The following ENTPD1 variants were observed in gnomAD, a reference collection of about 807,000 sequenced individuals.
ENTPD1 encodes ectonucleoside triphosphate diphosphohydrolase 1.
ENTPD1 carries 33 observed loss-of-function variants against 57.0 expected under a neutral mutation model. That is an observed-to-expected ratio of 0.58 (90% CI 0.44 to 0.77). The LOEUF (loss-of-function observed/expected upper bound fraction) is 0.77, where lower values mean the gene tolerates loss of function less well. Among genes scored for constraint, ENTPD1 ranks in the 30% least tolerant of loss-of-function variants. The pLI, the probability that ENTPD1 is intolerant of heterozygous loss-of-function variation, is 0.00. For missense variants in ENTPD1, 501 were observed against 603.4 expected (o/e 0.83, Z 1.78); for synonymous variants, 202 against 218.8 (o/e 0.92, Z 0.68).
rs1415420527 is a variant in ENTPD1 at position 95,876,218 on chromosome 10, G to A, written c.*9835G>A. 7 of 977,442 alleles carry A rather than the reference G, an allele frequency of 7.2e-6. No individual in the cohort carries two copies. Among genetic ancestry groups the A allele is most frequent in the Non-Finnish European group, 8.5e-6 (7 of 822,850 alleles). The allele number at this position is 977,442 out of a possible 1,614,324, so 60.5% of individuals were successfully genotyped here. On this transcript the variant is annotated 3_prime_UTR_variant, in exon 10 of 10. Coordinates refer to ENST00000371205, the MANE Select transcript of ENTPD1 (RefSeq NM_001776.6). ...TATTTATAAATACTCCTATAAAAAT[G>A]TAAAGAAACACATAATGTAGATTGC...
intron 1 of ENTPD1, among the ~76,000 whole-genome samples, chr10:95,813,927 A>G (rs1185094178): frequency 6.6e-6 from 1 of 152,228 alleles, no homozygotes; most frequent in Non-Finnish European, 1.5e-5. Flanking sequence ...TGCATGGCCA[A>G]TACAGATTTT....
chr10:95,855,307 C>A (rs1362773485), intron 7 of ENTPD1, among the ~76,000 whole-genome samples: 4 of 151,962 alleles, frequency 2.6e-5, no homozygotes. Flanking sequence ...TTCCTCCATC[C>A]CTTTATTTAA....
chr10:95,764,554 TTCCC>T (rs2098080491), intron 1 of ENTPD1, among the ~76,000 whole-genome samples: 1 of 152,140 alleles, frequency 6.6e-6, no homozygotes, highest in Non-Finnish European at 1.5e-5. Flanking sequence ...ACACTTTTTA[TTCCC>T]TATCTTTTAT....
intron 1 of ENTPD1, among the ~76,000 whole-genome samples, chr10:95,729,406 A>G (rs562024161): frequency 4.6e-5 from 7 of 152,280 alleles, no homozygotes; most frequent in African/African-American, 1.4e-4. Context: ...AAGCTGCTGT[A>G]TGTGTTATGC....
At chr10:95,743,230 CT>C (rs1263022464) in intron 1 of ENTPD1, among the ~76,000 whole-genome samples, 2 of 152,170 alleles carry the variant, frequency 1.3e-5, no homozygotes, top group African/African-American at 4.8e-5. Context: ...TGTCTGATAT[CT>C]TTCTCATGAT....
intron 1 of ENTPD1, among the ~76,000 whole-genome samples, chr10:95,785,570 C>G (rs1338784324): frequency 2.0e-5 from 3 of 152,170 alleles, no homozygotes; most frequent in Non-Finnish European, 4.4e-5. Flanking sequence ...GAAGCAGAAA[C>G]CATCTGTGGT....
exon 1 of ENTPD1, chr10:95,711,855 T>C: frequency 6.5e-7 from 1 of 1,544,344 alleles, no homozygotes; most frequent in East Asian, 2.2e-5. Context: ...TCAGCGATTG[T>C]CAGTGAAACT....
intron 1 of ENTPD1, among the ~76,000 whole-genome samples, chr10:95,793,348 A>C (rs1390168305): frequency 6.6e-6 from 1 of 152,186 alleles, no homozygotes; most frequent in Non-Finnish European, 1.5e-5. Flanking sequence ...TATAAAAAAT[A>C]ATGAAGGGAA....
intron 1 of ENTPD1, among the ~76,000 whole-genome samples, chr10:95,713,063 C>T (rs1039792708): frequency 4.0e-5 from 6 of 149,792 alleles, no homozygotes; most frequent in South Asian, 2.1e-4. Flanking sequence ...TAGGCTGTGG[C>T]GGCAAGAGTC....
chr10:95,797,562 C>T (rs2098231595), intron 1 of ENTPD1, among the ~76,000 whole-genome samples: 1 of 152,160 alleles, frequency 6.6e-6, no homozygotes, highest in African/African-American at 2.4e-5. Flanking sequence ...TGCTTGTACA[C>T]AAGCAGTATA....
intron 1 of ENTPD1, among the ~76,000 whole-genome samples, chr10:95,783,710 TAA>T (rs199944809): frequency 2.1e-4 from 28 of 135,544 alleles, no homozygotes; most frequent in African/African-American, 5.7e-4. Context: ...CAGGTAGGCA[TAA>T]AAAAAAAAAA....
intron 1 of ENTPD1, among the ~76,000 whole-genome samples, chr10:95,795,824 G>C (rs1445054223): frequency 6.6e-6 from 1 of 152,180 alleles, no homozygotes; most frequent in Non-Finnish European, 1.5e-5. Context: ...AACCATGTTT[G>C]CTAAGGAACG....
chr10:95,852,955 C>G (rs1251821248), intron 7 of ENTPD1, among the ~76,000 whole-genome samples: 1 of 152,030 alleles, frequency 6.6e-6, no homozygotes, highest in Non-Finnish European at 1.5e-5. Context: ...TATTTTTTTC[C>G]AATTCTGTGA....
intron 1 of ENTPD1, among the ~76,000 whole-genome samples, chr10:95,759,373 T>C (rs2098045794): frequency 6.6e-6 from 1 of 152,222 alleles, no homozygotes; most frequent in South Asian, 2.1e-4. Context: ...CTTCAGCCCC[T>C]ACTCCCTGCT....
intron 1 of ENTPD1, among the ~76,000 whole-genome samples, chr10:95,739,087 A>G (rs1326415922): frequency 6.6e-6 from 1 of 152,256 alleles, no homozygotes; most frequent in Non-Finnish European, 1.5e-5. Flanking sequence ...ATATACCTTG[A>G]TTAAAAATAC....
At chr10:95,714,773 AT>A (rs951446677) in intron 1 of ENTPD1, among the ~76,000 whole-genome samples, 68 of 148,360 alleles carry the variant, frequency 4.6e-4, no homozygotes, top group East Asian at 2.1e-3. Context: ...AATTTCAAAA[AT>A]TTTTTTTTTT....
chr10:95,853,729 TA>T, intron 7 of ENTPD1, among the ~76,000 whole-genome samples: 1 of 152,238 alleles, frequency 6.6e-6, no homozygotes, highest in Non-Finnish European at 1.5e-5. Flanking sequence ...TATGCTGGAT[TA>T]CGTTTATTGA....
intron 2 of ENTPD1, among the ~76,000 whole-genome samples, chr10:95,827,549 G>A (rs1467450435): frequency 2.0e-5 from 3 of 152,082 alleles, no homozygotes; most frequent in South Asian, 2.1e-4. Flanking sequence ...GCAGTGGTGC[G>A]ATCTCAGCTC....
Position 95,868,591 on chromosome 10 carries a change from G to A in ENTPD1, c.*2208G>A. ...GTCTGCGTATACAAAGCACTGTCATGCACACAATCTATTCTGACCCTCACA... is the reference window on the plus strand; with the variant it reads ...GTCTGCGTATACAAAGCACTGTCATACACACAATCTATTCTGACCCTCACA... On this transcript the variant is annotated 3_prime_UTR_variant, in exon 10 of 10. Transcript: ENST00000371205. 1.0e-6 allele frequency: 1 copy of A among 985,346 alleles called. No individual in the cohort carries two copies. Among genetic ancestry groups the A allele is most frequent in the Non-Finnish European group, 1.2e-6 (1 of 829,870 alleles). The allele number at this position is 985,346 out of a possible 1,614,324, so 61.0% of individuals were successfully genotyped here.
Sources: allele counts gnomAD v4.1 joint callset (sites outside exome capture counted in the v4.1 genomes callset), GRCh38; gene constraint gnomAD v4.1.1; transcripts MANE v1.5; gene names NCBI Gene and HGNC (gene_info 2026-07-23, HGNC 2026-07-21).